The following GRM8 variants were observed in gnomAD, a reference collection of about 807,000 sequenced individuals.
The protein encoded by GRM8 is metabotropic glutamate receptor 8.
Under a neutral mutation model 87.2 loss-of-function variants are expected in GRM8, and 47 were observed. That is an observed-to-expected ratio of 0.54 (90% CI 0.43 to 0.69). GRM8 has a LOEUF of 0.69. Ranked by LOEUF, GRM8 falls within the 30% of genes least tolerant of loss-of-function variation. GRM8 has a pLI of 0.00. For missense variants in GRM8, 1,019 were observed against 1,139.2 expected (o/e 0.89, Z 1.52); for synonymous variants, 396 against 404.5 (o/e 0.98, Z 0.25).
chr7:127,092,728 G>A (rs1419622895), intron 3 of GRM8, among the ~76,000 whole-genome samples: 2 of 152,114 alleles, frequency 1.3e-5, no homozygotes, highest in Non-Finnish European at 2.9e-5. Flanking sequence ...AAAAAAGAAG[G>A]AAAAGAAAAT....
At chr7:127,147,175 T>C (rs1455943269) in intron 2 of GRM8, among the ~76,000 whole-genome samples, 1 of 151,874 alleles carries the variant, frequency 6.6e-6, no homozygotes, top group East Asian at 1.9e-4. Flanking sequence ...AAAAGAATGG[T>C]CCAATGAATG....
chr7:127,001,260 T>A (rs2132032767), intron 3 of GRM8, among the ~76,000 whole-genome samples: 1 of 151,652 alleles, frequency 6.6e-6, no homozygotes, highest in East Asian at 1.9e-4. Flanking sequence ...AATTAACTTA[T>A]CAATTACAGA....
intron 6 of GRM8, among the ~76,000 whole-genome samples, chr7:126,794,994 G>A (rs1821798353): frequency 6.6e-6 from 1 of 152,224 alleles, no homozygotes; most frequent in African/African-American, 2.4e-5. Flanking sequence ...GCCATGGGCA[G>A]TGTTGCCAAA....
chr7:126,539,892 G>A (rs748239934), intron 8 of GRM8, among the ~76,000 whole-genome samples: 17 of 151,920 alleles, frequency 1.1e-4, no homozygotes, highest in Non-Finnish European at 2.4e-4. Context: ...GTGTTAGGCA[G>A]TGTTTTTTAG....
chr7:126,569,006 C>T (rs1379445044), intron 8 of GRM8, among the ~76,000 whole-genome samples: 1 of 152,088 alleles, frequency 6.6e-6, no homozygotes, highest in African/African-American at 2.4e-5. Context: ...AAGAACAATG[C>T]CTTTGTCAAT....
chr7:126,816,062 C>T (rs554789621), intron 6 of GRM8, among the ~76,000 whole-genome samples: 4 of 152,136 alleles, frequency 2.6e-5, no homozygotes. Context: ...ACAATCTCCA[C>T]AGCAATGAGC....
In GRM8 at chr7:126,818,567, G is replaced by T. The variant is rs186826810; in HGVS notation, c.1157-48502C>A. 6.0e-3 allele frequency among the ~76,000 whole-genome samples: 908 copies of T among 152,124 alleles called. 9 individuals carry two copies. The highest frequency in any genetic ancestry group is 7.5e-3 in the Non-Finnish European group (508 of 67,988). ...AGCTATAATAATTTTATTTTTCCTGGTTTATTCAGTCTGCCTCAGATAAAA... is the reference window on the plus strand; with the variant it reads ...AGCTATAATAATTTTATTTTTCCTGTTTTATTCAGTCTGCCTCAGATAAAA... On this transcript the variant is annotated intron_variant, in intron 6 of 10. Transcript: ENST00000339582.
chr7:126,586,864 A>G (rs1409809856), intron 8 of GRM8, among the ~76,000 whole-genome samples: 11 of 152,302 alleles, frequency 7.2e-5, no homozygotes, highest in Admixed American at 3.3e-4. Flanking sequence ...TCTGCACAGC[A>G]AAAGAAACTA....
chr7:126,446,772 G>A (rs551770540), intron 9 of GRM8, among the ~76,000 whole-genome samples: 64 of 152,032 alleles, frequency 4.2e-4, no homozygotes, highest in Non-Finnish European at 7.8e-4. Flanking sequence ...AACCCAGAAG[G>A]TAAGTATACA....
chr7:126,876,710 A>T (rs1488852074), intron 6 of GRM8, among the ~76,000 whole-genome samples: 1 of 152,186 alleles, frequency 6.6e-6, no homozygotes, highest in Non-Finnish European at 1.5e-5. Context: ...CATTGTTTGT[A>T]TTCTTTCAGC....
chr7:126,838,806 A>T (rs1159306720), intron 6 of GRM8, among the ~76,000 whole-genome samples: 3 of 152,216 alleles, frequency 2.0e-5, no homozygotes, highest in Non-Finnish European at 4.4e-5. Context: ...GGCTCACATC[A>T]TATAAGCAAC....
At chr7:126,871,314 T>C (rs1408237096) in intron 6 of GRM8, among the ~76,000 whole-genome samples, 1 of 152,202 alleles carries the variant, frequency 6.6e-6, no homozygotes, top group Non-Finnish European at 1.5e-5. Flanking sequence ...ATTTTATTCC[T>C]AATAAGTGTA....
chr7:126,895,863 C>G (rs1269701372), intron 6 of GRM8, among the ~76,000 whole-genome samples: 1 of 151,166 alleles, frequency 6.6e-6, no homozygotes, highest in Non-Finnish European at 1.5e-5. Context: ...AGGTAATAAC[C>G]AATATGTTAT....
chr7:127,109,990 A>T (rs1220111359), intron 2 of GRM8, among the ~76,000 whole-genome samples: 2 of 152,134 alleles, frequency 1.3e-5, no homozygotes, highest in African/African-American at 4.8e-5. Context: ...CACTAGCAGA[A>T]CATGGGAGGG....
chr7:127,203,468 G>A (rs1795725374), intron 2 of GRM8, among the ~76,000 whole-genome samples: 1 of 152,208 alleles, frequency 6.6e-6, no homozygotes, highest in Non-Finnish European at 1.5e-5. Context: ...AGCACCTTGG[G>A]AGGCCAAGGC....
chr7:126,493,315 T>A (rs1037463793), intron 9 of GRM8, among the ~76,000 whole-genome samples: 1 of 151,914 alleles, frequency 6.6e-6, no homozygotes, highest in Non-Finnish European at 1.5e-5. Context: ...GCACAGAGTA[T>A]CTCACATGTG....
intron 8 of GRM8, among the ~76,000 whole-genome samples, chr7:126,572,566 A>T (rs1325292051): frequency 1.3e-5 from 2 of 152,166 alleles, no homozygotes. Flanking sequence ...CTGATGGAAA[A>T]TTTTCTATTA....
At chr7:127,114,605 C>T (rs1253474808) in intron 2 of GRM8, among the ~76,000 whole-genome samples, 1 of 152,186 alleles carries the variant, frequency 6.6e-6, no homozygotes, top group Non-Finnish European at 1.5e-5. Context: ...CAAGATCAAT[C>T]CATTCTCACT....
intron 8 of GRM8, among the ~76,000 whole-genome samples, chr7:126,573,825 G>A (rs1376486064): frequency 1.3e-5 from 2 of 152,052 alleles, no homozygotes; most frequent in Non-Finnish European, 2.9e-5. Flanking sequence ...AGAGTCAGGT[G>A]ATCCATCCAC....
Sources: gnomAD v4.1 joint callset for allele counts (sites outside exome capture counted in the v4.1 genomes callset) on GRCh38, gnomAD v4.1.1 for gene constraint, MANE v1.5 for transcripts, NCBI Gene and HGNC (gene_info 2026-07-23, HGNC 2026-07-21) for gene names.